ARHGEF10: variants seen among roughly 807,000 people sequenced by gnomAD.
ARHGEF10 encodes Rho guanine nucleotide exchange factor 10.
In ARHGEF10, 140 loss-of-function variants were observed where a neutral mutation model predicts 147.4. That is an observed-to-expected ratio of 0.95 (90% confidence interval 0.83 to 1.09). The LOEUF (loss-of-function observed/expected upper bound fraction) is 1.09, where lower values mean the gene tolerates loss of function less well. ARHGEF10 is among the 50% of genes least tolerant of loss of function. ARHGEF10 has a pLI of 0.00. For missense variants in ARHGEF10, 2,222 were observed against 1,752.7 expected (o/e 1.27, Z -4.78); for synonymous variants, 902 against 695.8 (o/e 1.30, Z -4.67).
chr8:1,847,834 A>G (rs1029269776), intron 2 of ARHGEF10, among the ~76,000 whole-genome samples: 1 of 152,268 alleles, frequency 6.6e-6, no homozygotes, highest in Non-Finnish European at 1.5e-5. Flanking sequence ...CCTTCATATG[A>G]GAATCAAACA....
intron 11 of ARHGEF10, among the ~76,000 whole-genome samples, chr8:1,888,838 A>G (rs75175429): frequency 0.19 from 6,026 of 31,180 alleles, 1,414 homozygotes; most frequent in African/African-American, 0.28. Flanking sequence ...GAGACACTGA[A>G]TAGGGTGAGG....
intron 16 of ARHGEF10, chr8:1,903,863 G>C (rs1450868018): frequency 3.1e-5 from 8 of 258,646 alleles, no homozygotes; most frequent in Non-Finnish European, 4.5e-5. Context: ...GGAGGCTGAG[G>C]TGGGAAGATC....
chr8:1,952,341 G>A (rs1013854168), intron 27 of ARHGEF10, among the ~76,000 whole-genome samples: 6 of 152,196 alleles, frequency 3.9e-5, no homozygotes, highest in African/African-American at 7.2e-5. Flanking sequence ...TGTGTATGTC[G>A]GGGGCTCACG....
intron 16 of ARHGEF10, 88 bp downstream of exon 16, chr8:1,903,539 G>C (rs1810650512): frequency 1.3e-6 from 2 of 1,535,948 alleles, no homozygotes; most frequent in South Asian, 1.2e-5. Flanking sequence ...CTAATCTTTT[G>C]GATCGTTTGG....
intron 1 of ARHGEF10, among the ~76,000 whole-genome samples, chr8:1,829,022 G>A (rs569792941): frequency 4.6e-5 from 7 of 152,252 alleles, no homozygotes; most frequent in Non-Finnish European, 7.3e-5. Flanking sequence ...TATCTGAGCG[G>A]ACACGGACGG....
At chr8:1,894,817 G>A (rs144616572) in intron 13 of ARHGEF10, among the ~76,000 whole-genome samples, 1 of 152,196 alleles carries the variant, frequency 6.6e-6, no homozygotes, top group East Asian at 1.9e-4. Flanking sequence ...TGTATCTGAG[G>A]ACATTTAACA....
rs1805021984 is a variant in ARHGEF10 at position 1,850,352 on chromosome 8, C to T, written c.37+6916C>T. Reference sequence around the variant, plus strand: ...CAACCGTGTGGACAGACGGCAAATGCCGAGGAGGGTGTGGGGCGGCCGCGT... The same window carrying T: ...CAACCGTGTGGACAGACGGCAAATGTCGAGGAGGGTGTGGGGCGGCCGCGT... On this transcript the variant is annotated intron_variant, in intron 2 of 28. Coordinates refer to ENST00000349830, the MANE Select transcript of ARHGEF10 (RefSeq NM_014629.4). Among the ~76,000 whole-genome samples, 3 of 134,048 alleles carry T rather than the reference C, an allele frequency of 2.2e-5. No homozygotes were observed. The South Asian group carries it at 7.1e-4, about 32-fold the overall frequency. 87.9% of individuals were successfully genotyped at this position (134,048 alleles called of 152,430 possible).
chr8:1,876,306 T>G, intron 7 of ARHGEF10: 1 of 532,648 alleles, frequency 1.9e-6, no homozygotes, highest in Non-Finnish European at 3.4e-6. Flanking sequence ...CATAGCCAGG[T>G]GGTCCTCGGG....
At chr8:1,920,475 A>G (rs1282396192) in intron 18 of ARHGEF10, among the ~76,000 whole-genome samples, 1 of 148,756 alleles carries the variant, frequency 6.7e-6, no homozygotes, top group Admixed American at 6.8e-5. Flanking sequence ...GGCGCGCATC[A>G]CAATGCCTGG....
chr8:1,952,434 A>G (rs557613832), intron 27 of ARHGEF10, among the ~76,000 whole-genome samples: 2 of 152,254 alleles, frequency 1.3e-5, no homozygotes, highest in Non-Finnish European at 2.9e-5. Flanking sequence ...GCGGCCAAGC[A>G]GAGCCATGCA....
chr8:1,851,807 G>C (rs1374748771), intron 2 of ARHGEF10, among the ~76,000 whole-genome samples: 1 of 152,012 alleles, frequency 6.6e-6, no homozygotes, highest in African/African-American at 2.4e-5. Flanking sequence ...CTGGCTGCTT[G>C]GGAGGCTGAG....
rs916656741 is a variant in ARHGEF10, at chr8:1,948,543, C to A, written c.3397+2888C>A. Among the ~76,000 whole-genome samples, 1 of 152,170 alleles carries A rather than the reference C, an allele frequency of 6.6e-6. No individual in the cohort carries two copies. The highest frequency in any genetic ancestry group is 1.5e-5 in the Non-Finnish European group (1 of 68,034). On this transcript the variant is annotated intron_variant, in intron 27 of 28. Transcript: ENST00000349830. The surrounding 1 kb of genome is among the most constrained non-coding windows in gnomAD (Gnocchi z 4.9). ...GCCTTGTCAGCAGGAGAAAGGTACA[C>A]GGGTTAGAGGCAACCTCGGTGACAC...
intron 13 of ARHGEF10, 90 bp downstream of exon 13, chr8:1,894,662 T>G (rs1412251725): frequency 7.6e-6 from 11 of 1,438,646 alleles, no homozygotes; most frequent in Non-Finnish European, 9.7e-6. Context: ...GCCCCTGATC[T>G]CCTGCAAGCT....
chr8:1,892,277 CTG>C (rs66526026), intron 11 of ARHGEF10, among the ~76,000 whole-genome samples: 13,591 of 126,336 alleles, frequency 0.11, 725 homozygotes, highest in Non-Finnish European at 0.12. Context: ...GCTTCTGGCT[CTG>C]TGTGTGTGTG....
At chr8:1,857,883 T>TATC (rs1253453220) in intron 2 of ARHGEF10, 77 bp from the exon 3 acceptor site, 1 of 608,472 alleles carries the variant, frequency 1.6e-6, no homozygotes, top group South Asian at 2.3e-5. Flanking sequence ...TCGATCGATC[T>TATC]ATCTATCTAT....
chr8:1,862,913 G>A (rs546134454), intron 4 of ARHGEF10, among the ~76,000 whole-genome samples: 1 of 151,574 alleles, frequency 6.6e-6, no homozygotes, highest in African/African-American at 2.4e-5. Context: ...CAAGTAGCTG[G>A]GACTACAGGC....
chr8:1,921,449 C>T (rs145440408), intron 18 of ARHGEF10, among the ~76,000 whole-genome samples: 4 of 152,320 alleles, frequency 2.6e-5, no homozygotes, highest in African/African-American at 9.6e-5. Context: ...GATGTCCAGG[C>T]CAGGCACGGT....
At chr8:1,926,515 A>G (rs1167624604) in intron 23 of ARHGEF10, 52 bp downstream of exon 23, 2 of 1,535,246 alleles carry the variant, frequency 1.3e-6, no homozygotes, top group Non-Finnish European at 9.0e-7. Flanking sequence ...ATCAACGTTC[A>G]TGGTCGGTGT....
chr8:1,928,794 G>A (rs1439047808), intron 24 of ARHGEF10, 144 bp downstream of exon 24: 3 of 869,054 alleles, frequency 3.5e-6, no homozygotes, highest in African/African-American at 3.3e-5. Context: ...GAAATTTTTA[G>A]GGTCATTGCA....
Sources: gnomAD v4.1 joint callset for allele counts (sites outside exome capture counted in the v4.1 genomes callset) on GRCh38, gnomAD v4.1.1 for gene constraint, Gnocchi (gnomAD v3.1) non-coding constraint, MANE v1.5 for transcripts, NCBI Gene and HGNC (gene_info 2026-07-23, HGNC 2026-07-21) for gene names.